IQCM: variants seen among roughly 807,000 people sequenced by gnomAD.
IQCM encodes IQ motif containing M.
IQCM carries 45 observed loss-of-function variants against 57.6 expected under a neutral mutation model. The observed-to-expected ratio is 0.78, with a 90% CI of 0.62 to 1.00. IQCM has a LOEUF of 1.00. IQCM is among the 50% of genes least tolerant of loss of function. IQCM has a pLI of 0.00. For missense variants in IQCM, 468 were observed against 511.6 expected, an observed-to-expected ratio of 0.91 and a Z score of 0.82; for synonymous variants, 148 against 158.9, an observed-to-expected ratio of 0.93 and a Z score of 0.51.
chr4:149,593,678 T>A (rs1418439889), intron 8 of IQCM, among the ~76,000 whole-genome samples: 1 of 152,140 alleles, frequency 6.6e-6, no homozygotes, highest in Non-Finnish European at 1.5e-5. Flanking sequence ...CGTTGTTGAA[T>A]TTTGTCGATG....
rs1292849046 is a variant in IQCM at position 149,815,786 on chromosome 4, G to A, written c.-273C>T. Reference sequence around the variant, plus strand: ...AAATAGGTAATGAATATTTCAAATAGATTCCTAAATCCTGCCAATCTTCTG... The same window carrying A: ...AAATAGGTAATGAATATTTCAAATAAATTCCTAAATCCTGCCAATCTTCTG... On this transcript the variant is annotated 5_prime_UTR_variant, in exon 1 of 14. Transcript: ENST00000636793. 2.6e-5 allele frequency: 4 copies of A among 151,844 alleles called. No homozygotes were observed. Among genetic ancestry groups the A allele is most frequent in the Non-Finnish European group, 5.9e-5 (4 of 67,870 alleles). The allele number at this position is 151,844 out of a possible 1,614,324, so 9.4% of individuals were successfully genotyped here. A position where few individuals can be genotyped will look rare whatever the true frequency, so the allele number is the denominator to read the frequency against.
At chr4:149,544,126 T>C (rs986226955) in intron 12 of IQCM, among the ~76,000 whole-genome samples, 1 of 152,120 alleles carries the variant, frequency 6.6e-6, no homozygotes, top group Non-Finnish European at 1.5e-5. Context: ...GATCCTGAAA[T>C]GTTTGTTTCA....
chr4:149,625,442 G>A (rs925636576), intron 7 of IQCM, among the ~76,000 whole-genome samples: 1 of 152,214 alleles, frequency 6.6e-6, no homozygotes, highest in Non-Finnish European at 1.5e-5. Context: ...CAAGAGAAAA[G>A]TATAACAAGC....
chr4:149,758,081 A>G (rs1242045981), intron 2 of IQCM, among the ~76,000 whole-genome samples: 3 of 152,206 alleles, frequency 2.0e-5, no homozygotes, highest in African/African-American at 7.2e-5. Flanking sequence ...AAAATAGATA[A>G]GTGGAACAGA....
At chr4:149,805,423 C>A (rs890490375) in intron 2 of IQCM, among the ~76,000 whole-genome samples, 3 of 151,926 alleles carry the variant, frequency 2.0e-5, no homozygotes, top group Non-Finnish European at 2.9e-5. Flanking sequence ...CGACATTTTC[C>A]ATCCTTTGGG....
chr4:149,452,349 A>C (rs576905940), intron 12 of IQCM, among the ~76,000 whole-genome samples: 1 of 151,638 alleles, frequency 6.6e-6, no homozygotes, highest in African/African-American at 2.4e-5. Flanking sequence ...ATGATTCTAA[A>C]ATATATATGA....
At chr4:149,406,446 C>T (rs907252780) in intron 13 of IQCM, among the ~76,000 whole-genome samples, 1 of 152,016 alleles carries the variant, frequency 6.6e-6, no homozygotes, top group African/African-American at 2.4e-5. Context: ...GCGGACATCA[C>T]ATATGAAGGT....
At chr4:149,615,511 T>A (rs574385826) in intron 8 of IQCM, among the ~76,000 whole-genome samples, 1 of 152,170 alleles carries the variant, frequency 6.6e-6, no homozygotes, top group Non-Finnish European at 1.5e-5. Flanking sequence ...AATTCTAATA[T>A]AATTCTAATA....
chr4:149,515,252 C>T (rs1744834489), intron 12 of IQCM, among the ~76,000 whole-genome samples: 1 of 152,058 alleles, frequency 6.6e-6, no homozygotes, highest in African/African-American at 2.4e-5. Context: ...AAACGTTTGA[C>T]TATGGGTCAT....
chr4:149,407,579 T>C (rs1160614560), intron 13 of IQCM, among the ~76,000 whole-genome samples: 1 of 152,158 alleles, frequency 6.6e-6, no homozygotes, highest in African/African-American at 2.4e-5. Context: ...TTTAATTTTC[T>C]GTTATTGAGT....
In IQCM at chr4:149,684,168, T is replaced by G. The variant is rs188423331; in HGVS notation, c.477-1962A>C. Among the ~76,000 whole-genome samples, 6 of 151,528 alleles carry G rather than the reference T, an allele frequency of 4.0e-5. No individual in the cohort carries two copies. The East Asian group carries it at 9.7e-4, about 25-fold the overall frequency. ...ATCATCATCATAAAGAGTATTTTAA[T>G]GTAGGGAAATCTTTGAATTTAGAAT... is the stretch of plus-strand genomic sequence containing the variant. On this transcript the variant is annotated intron_variant, in intron 6 of 13. Transcript: ENST00000636793.
At chr4:149,646,800 A>T (rs775465027) in intron 7 of IQCM, among the ~76,000 whole-genome samples, 12 of 152,120 alleles carry the variant, frequency 7.9e-5, no homozygotes, top group Non-Finnish European at 1.3e-4. Context: ...TTTGGCCAAC[A>T]TGGTGAAACC....
At chr4:149,439,380 C>G (rs948265079) in intron 12 of IQCM, among the ~76,000 whole-genome samples, 1 of 151,982 alleles carries the variant, frequency 6.6e-6, no homozygotes, top group Non-Finnish European at 1.5e-5. Flanking sequence ...ATATAGGAAG[C>G]TAAAAGACTT....
At chr4:149,583,763 T>A (rs1752417932) in intron 9 of IQCM, among the ~76,000 whole-genome samples, 1 of 151,634 alleles carries the variant, frequency 6.6e-6, no homozygotes, top group Non-Finnish European at 1.5e-5. Context: ...GTACAATGAA[T>A]TATAATCTAT....
At chr4:149,596,152 G>A (rs1402915759) in intron 8 of IQCM, among the ~76,000 whole-genome samples, 1 of 152,142 alleles carries the variant, frequency 6.6e-6, no homozygotes, top group South Asian at 2.1e-4. Context: ...GGAGGGAAAT[G>A]GATAGGGAGC....
chr4:149,677,370 C>T (rs1322959977), intron 7 of IQCM, among the ~76,000 whole-genome samples: 1 of 152,054 alleles, frequency 6.6e-6, no homozygotes, highest in Non-Finnish European at 1.5e-5. Flanking sequence ...GCCAGCCTAT[C>T]CCACTGCTGA....
intron 13 of IQCM, among the ~76,000 whole-genome samples, chr4:149,391,591 T>C (rs1435164374): frequency 6.6e-6 from 1 of 151,958 alleles, no homozygotes; most frequent in Non-Finnish European, 1.5e-5. Context: ...AATTAGGTTG[T>C]TGCCTTGAAA....
At chr4:149,633,604 A>G (rs1356770159) in intron 7 of IQCM, among the ~76,000 whole-genome samples, 2 of 152,370 alleles carry the variant, frequency 1.3e-5, no homozygotes, top group East Asian at 3.9e-4. Flanking sequence ...GAGAAACATA[A>G]TATGTATTAC....
intron 3 of IQCM, among the ~76,000 whole-genome samples, chr4:149,736,405 T>C (rs2149895685): frequency 6.6e-6 from 1 of 152,306 alleles, no homozygotes; most frequent in Non-Finnish European, 1.5e-5. Flanking sequence ...ATACTAAAAA[T>C]GGAATTGTAT....
Sources: gnomAD v4.1 joint callset for allele counts (sites outside exome capture counted in the v4.1 genomes callset) on GRCh38, gnomAD v4.1.1 for gene constraint, MANE v1.5 for transcripts, NCBI Gene and HGNC (gene_info 2026-07-23, HGNC 2026-07-21) for gene names.